The following CMKLR1 variants were observed in gnomAD, a reference collection of about 807,000 sequenced individuals.
The protein encoded by CMKLR1 is chemerin chemokine-like receptor 1.
A neutral mutation model predicts 8.2 loss-of-function variants in CMKLR1; 6 were observed. That is an observed-to-expected ratio of 0.73 (90% CI 0.40 to 1.44). The LOEUF (loss-of-function observed/expected upper bound fraction) is 1.44. Ranked by LOEUF, CMKLR1 falls within the 40% of genes most tolerant of loss-of-function variation. The pLI is 0.02. For synonymous variants in CMKLR1, 178 were observed against 181.2 expected, an observed-to-expected ratio of 0.98 and a Z score of 0.14; for missense variants, 429 against 478.0, an observed-to-expected ratio of 0.90 and a Z score of 0.96.
intron 3 of CMKLR1, among the ~76,000 whole-genome samples, 154 bp downstream of exon 3, chr12:108,293,435 C>T (rs1328155650): frequency 2.6e-5 from 4 of 152,232 alleles, no homozygotes; most frequent in Admixed American, 6.5e-5. Flanking sequence ...TGCAATAATG[C>T]TAAGTGCAAT....
intron 2 of CMKLR1, among the ~76,000 whole-genome samples, chr12:108,319,738 A>G (rs1386493218): frequency 2.6e-5 from 4 of 152,214 alleles, no homozygotes; most frequent in Non-Finnish European, 5.9e-5. Context: ...TCTTACCATT[A>G]TATGACTTGG....
intron 2 of CMKLR1, among the ~76,000 whole-genome samples, chr12:108,309,907 G>A (rs1386897776): frequency 4.6e-5 from 7 of 152,214 alleles, no homozygotes; most frequent in African/African-American, 1.7e-4. Flanking sequence ...AGGAGAGCAC[G>A]TATGTCTTTG....
intron 2 of CMKLR1, among the ~76,000 whole-genome samples, chr12:108,302,440 C>A (rs1190983843): frequency 1.3e-5 from 2 of 152,162 alleles, no homozygotes; most frequent in African/African-American, 4.8e-5. Flanking sequence ...ACGATTCTGG[C>A]AAAAGTGATT....
chr12:108,300,169 T>C (rs1020886903), intron 2 of CMKLR1, among the ~76,000 whole-genome samples: 3 of 152,234 alleles, frequency 2.0e-5, no homozygotes, highest in Non-Finnish European at 2.9e-5. Context: ...CCATGTGGCT[T>C]GAGCTTACTC....
At chr12:108,334,005 C>G (rs1593182091) in intron 1 of CMKLR1, among the ~76,000 whole-genome samples, 2 of 152,388 alleles carry the variant, frequency 1.3e-5, no homozygotes, top group African/African-American at 4.8e-5. Context: ...CCTACGGCCA[C>G]CTCCTCAGCA....
intron 2 of CMKLR1, among the ~76,000 whole-genome samples, chr12:108,299,855 A>T (rs1391711171): frequency 3.3e-5 from 5 of 152,276 alleles, no homozygotes; most frequent in African/African-American, 9.6e-5. Flanking sequence ...CCATGAGAGA[A>T]TAAATTCCTG....
intron 1 of CMKLR1, among the ~76,000 whole-genome samples, chr12:108,334,192 G>A (rs372505743): frequency 1.3e-5 from 2 of 152,284 alleles, no homozygotes; most frequent in Non-Finnish European, 2.9e-5. Flanking sequence ...AGAGCCAGAC[G>A]TGTAGTAGAT....
At position 108,291,695 on chromosome 12, in the gene CMKLR1, A is replaced by T; in HGVS notation, c.*146T>A. 1 of 817,716 alleles carries T rather than the reference A, an allele frequency of 1.2e-6. No individual in the cohort carries two copies. Among genetic ancestry groups the T allele is most frequent in the Non-Finnish European group, 2.0e-6 (1 of 506,176 alleles). The allele number at this position is 817,716 out of a possible 1,614,324, so 50.7% of individuals were successfully genotyped here. The stretch of plus-strand genomic sequence containing the variant: ...AGAAGAAAGGGGTTCCAGGCCCTAG[A>T]TTCCCAGCATAAAACACTGTTCATC... On this transcript the variant is annotated 3_prime_UTR_variant, in exon 4 of 4. Transcript: ENST00000550402.
intron 2 of CMKLR1, among the ~76,000 whole-genome samples, chr12:108,324,152 C>T (rs11113818): frequency 0.38 from 57,295 of 152,000 alleles, 11,222 homozygotes; most frequent in Admixed American, 0.48. Context: ...GGGTTCTTGC[C>T]GGTCTCTTTT....
At chr12:108,299,929 C>T (rs550241667) in intron 2 of CMKLR1, among the ~76,000 whole-genome samples, 5 of 152,334 alleles carry the variant, frequency 3.3e-5, no homozygotes, top group African/African-American at 1.2e-4. Flanking sequence ...AATACACTCC[C>T]CATTCTGGCT....
chr12:108,315,261 T>C (rs569361353), intron 2 of CMKLR1, among the ~76,000 whole-genome samples: 15 of 152,272 alleles, frequency 9.9e-5, no homozygotes, highest in African/African-American at 3.6e-4. Flanking sequence ...GGGGTGGGCC[T>C]GGGGCATCCT....
intron 2 of CMKLR1, among the ~76,000 whole-genome samples, chr12:108,316,291 G>A (rs1301204625): frequency 3.3e-5 from 5 of 152,142 alleles, no homozygotes; most frequent in African/African-American, 2.4e-5. Context: ...CAGCAGGGCA[G>A]GGGCTCGGCG....
At chr12:108,320,258 G>T (rs1033540448) in intron 2 of CMKLR1, among the ~76,000 whole-genome samples, 1 of 152,118 alleles carries the variant, frequency 6.6e-6, no homozygotes, top group Non-Finnish European at 1.5e-5. Context: ...ACTGTGTGGA[G>T]TAGAGGTAGA....
chr12:108,333,982 A>T (rs1226548248), intron 1 of CMKLR1, among the ~76,000 whole-genome samples: 1 of 152,254 alleles, frequency 6.6e-6, no homozygotes, highest in East Asian at 1.9e-4. Context: ...TCCTCACTGC[A>T]TCTCAGTCCT....
chr12:108,293,669 A>AT lies in CMKLR1; in HGVS notation c.-73-6_-73-5insA. 2 of 889,708 alleles carry AT rather than the reference A, an allele frequency of 2.2e-6. No individual in the cohort carries two copies. Among genetic ancestry groups the AT allele is most frequent in the Non-Finnish European group, 3.3e-6 (2 of 601,910 alleles). 55.1% of individuals were successfully genotyped at this position (889,708 alleles called of 1,614,324 possible). A position where few individuals can be genotyped will look rare whatever the true frequency, so the allele number is the denominator to read the frequency against. On this transcript the variant is annotated splice_region_variant and splice_polypyrimidine_tract_variant and intron_variant, in intron 2 of 3. Transcript: ENST00000550402. ...CCTGTACACAGCTAGAAACACCTGT[A>AT]GGGAAAAAAAAAAAAAAAAAAGCAG...
intron 2 of CMKLR1, among the ~76,000 whole-genome samples, chr12:108,303,636 C>T (rs1167167730): frequency 6.6e-6 from 1 of 152,218 alleles, no homozygotes; most frequent in Non-Finnish European, 1.5e-5. Context: ...TCCACTGCTT[C>T]GCCTCCTTGG....
chr12:108,321,386 C>T (rs1891857848), intron 2 of CMKLR1, among the ~76,000 whole-genome samples: 1 of 152,172 alleles, frequency 6.6e-6, no homozygotes, highest in East Asian at 1.9e-4. Context: ...GAGCTACGAT[C>T]ATACCACTGT....
intron 2 of CMKLR1, among the ~76,000 whole-genome samples, chr12:108,299,284 T>C (rs1171151266): frequency 6.6e-6 from 1 of 152,190 alleles, no homozygotes; most frequent in African/African-American, 2.4e-5. Flanking sequence ...GGGAGAGGCA[T>C]GAACTGGAAC....
rs189486732 is a variant in CMKLR1, at chr12:108,331,533, C to T, written c.-286-1326G>A. On this transcript the variant is annotated intron_variant, in intron 1 of 3. Coordinates refer to ENST00000550402, the MANE Select transcript of CMKLR1 (RefSeq NM_001142343.2). ...GATGCAGACCAATGTCACTGTTAGA[C>T]AGAATAACAGATCCCCAAAGATGTC... 1.1e-3 allele frequency among the ~76,000 whole-genome samples: 171 copies of T among 152,336 alleles called. 1 individual carries two copies. Among genetic ancestry groups the T allele is most frequent in the African/African-American group, 3.9e-3 (164 of 41,572 alleles).
Sources: allele counts gnomAD v4.1 joint callset (sites outside exome capture counted in the v4.1 genomes callset), GRCh38; gene constraint gnomAD v4.1.1; transcripts MANE v1.5; gene names NCBI Gene and HGNC (gene_info 2026-07-23, HGNC 2026-07-21).